Variants in PLCB1 observed in about 807,000 individuals in gnomAD.
PLCB1 encodes the protein 1-phosphatidylinositol 4,5-bisphosphate phosphodiesterase beta-1.
A neutral mutation model predicts 161.8 loss-of-function variants in PLCB1; 46 were observed. That is an observed-to-expected ratio of 0.28 (90% CI 0.22 to 0.36). The LOEUF is 0.36. PLCB1 is among the 10% of genes least tolerant of loss of function. PLCB1 has a pLI of 1.00. For synonymous variants in PLCB1, 517 were observed against 503.7 expected (o/e 1.03, Z -0.35); for missense variants, 1,016 against 1,472.5 (o/e 0.69, Z 5.07).
chr20:8,851,064 G>A (rs6118353), intron 31 of PLCB1, among the ~76,000 whole-genome samples: 5,716 of 152,256 alleles, frequency 0.038, 366 homozygotes, highest in African/African-American at 0.13. Context: ...TTAAAAATAA[G>A]GAGATATCCT....
intron 31 of PLCB1, among the ~76,000 whole-genome samples, chr20:8,791,129 A>G (rs986917386): frequency 6.6e-6 from 1 of 152,028 alleles, no homozygotes; most frequent in African/African-American, 2.4e-5. Context: ...ATATATTTTC[A>G]TGGTTCTTTG....
intron 3 of PLCB1, among the ~76,000 whole-genome samples, chr20:8,570,745 A>C (rs1341831317): frequency 2.0e-5 from 3 of 152,222 alleles, no homozygotes; most frequent in East Asian, 3.8e-4. Flanking sequence ...AAATGAGTTC[A>C]TGATCAGGAA....
chr20:8,353,957 A>G (rs776436608), intron 2 of PLCB1, among the ~76,000 whole-genome samples: 1 of 152,032 alleles, frequency 6.6e-6, no homozygotes, highest in African/African-American at 2.4e-5. Flanking sequence ...TGTGACATAC[A>G]TGGAAATTCT....
At chr20:8,273,641 T>C (rs1367955904) in intron 2 of PLCB1, among the ~76,000 whole-genome samples, 1 of 152,196 alleles carries the variant, frequency 6.6e-6, no homozygotes, top group Non-Finnish European at 1.5e-5. Flanking sequence ...TGTGTTCCCT[T>C]AGATTTGAAT....
chr20:8,212,380 A>T lies in PLCB1; in HGVS notation c.177+62009A>T, dbSNP rs151082527. On this transcript the variant is annotated intron_variant, in intron 2 of 31. Transcript: ENST00000338037. ...CAGAATTACTATCTAACCATTTTGTATGCATTTTATTCTAAATACAATTGA... is the reference window on the plus strand; with the variant it reads ...CAGAATTACTATCTAACCATTTTGTTTGCATTTTATTCTAAATACAATTGA... 9.5e-3 allele frequency among the ~76,000 whole-genome samples: 1,449 copies of T among 152,252 alleles called. 24 individuals are homozygous for T. Among genetic ancestry groups the T allele is most frequent in the African/African-American group, 0.03 (1,232 of 41,566 alleles).
Position 8,771,844 on chromosome 20 carries a change from T to C in PLCB1, c.2931-2695T>C, listed in dbSNP as rs572982170. On this transcript the variant is annotated intron_variant, in intron 26 of 31. Transcript: ENST00000338037. ...CTCAGATAAATGAATGGATGGGCAT[T>C]ATGTACATTGAATTTGTTTCCTTCC... Among the ~76,000 whole-genome samples the C allele has an allele frequency of 1.9e-4, 17 of 87,800 alleles. 1 individual carries two copies. The South Asian group carries it at 6.3e-3, about 32-fold the overall frequency. The allele number at this position is 87,800 out of a possible 152,430, so 57.6% of individuals were successfully genotyped here.
intron 9 of PLCB1, among the ~76,000 whole-genome samples, chr20:8,666,471 C>T (rs965729217): frequency 5.9e-5 from 9 of 152,202 alleles, no homozygotes; most frequent in Non-Finnish European, 7.3e-5. Context: ...CAACCTATCA[C>T]GTTATTGTCT....
At chr20:8,744,270 T>C (rs1015554732) in intron 23 of PLCB1, among the ~76,000 whole-genome samples, 1 of 152,232 alleles carries the variant, frequency 6.6e-6, no homozygotes, top group African/African-American at 2.4e-5. Flanking sequence ...AAATTACATG[T>C]ATTTTCAGTA....
At position 8,475,914 on chromosome 20, in the gene PLCB1, A is replaced by G. The variant is rs1982258131; in HGVS notation, c.246+104464A>G. ...TGCTTCTCTACAACTCTACAAAGAC[A>G]GTATCTAACACACTGTCATACACCA... On this transcript the variant is annotated intron_variant, in intron 3 of 31. Coordinates refer to ENST00000338037, the MANE Select transcript of PLCB1 (RefSeq NM_015192.4). 2.0e-5 allele frequency among the ~76,000 whole-genome samples: 3 copies of G among 152,220 alleles called. No homozygotes were observed. In the South Asian group the frequency reaches 6.2e-4, roughly 32 times the overall value.
intron 25 of PLCB1, among the ~76,000 whole-genome samples, chr20:8,763,575 A>G (rs930919645): frequency 6.6e-6 from 1 of 151,974 alleles, no homozygotes; most frequent in Admixed American, 6.6e-5. Flanking sequence ...TAGTAGAGAC[A>G]GGAGTTTTGC....
chr20:8,162,293 A>G (rs1228663729), intron 2 of PLCB1, among the ~76,000 whole-genome samples: 1 of 152,206 alleles, frequency 6.6e-6, no homozygotes, highest in African/African-American at 2.4e-5. Flanking sequence ...TAATTAAATT[A>G]GCTGCACCCT....
chr20:8,644,725 T>TGGGGGGGGTCAGCCCCCCTGCCCG (rs2123280241), intron 4 of PLCB1, among the ~76,000 whole-genome samples: 1 of 149,580 alleles, frequency 6.7e-6, no homozygotes, highest in East Asian at 2.1e-4. Flanking sequence ...CCCCCCGCCC[T>TGGGGGGGGTCAGCCCCCCTGCCCG]GCCAGCCGCC....
At chr20:8,436,169 T>C (rs1414293241) in intron 3 of PLCB1, among the ~76,000 whole-genome samples, 1 of 152,012 alleles carries the variant, frequency 6.6e-6, no homozygotes, top group Non-Finnish European at 1.5e-5. Flanking sequence ...AACCTGTCTC[T>C]ACTAAAAACA....
At chr20:8,361,349 C>T (rs1187076898) in intron 2 of PLCB1, among the ~76,000 whole-genome samples, 1 of 151,946 alleles carries the variant, frequency 6.6e-6, no homozygotes, top group Non-Finnish European at 1.5e-5. Flanking sequence ...GTCAGAATGC[C>T]CTACCCGTTC....
At chr20:8,268,456 A>G (rs1568611652) in intron 2 of PLCB1, among the ~76,000 whole-genome samples, 2 of 152,154 alleles carry the variant, frequency 1.3e-5, no homozygotes, top group African/African-American at 2.4e-5. Flanking sequence ...TAGCAGCATG[A>G]TTTGTAATCT....
chr20:8,472,650 C>G (rs1982104862), intron 3 of PLCB1, among the ~76,000 whole-genome samples: 1 of 151,724 alleles, frequency 6.6e-6, no homozygotes, highest in African/African-American at 2.4e-5. Flanking sequence ...TCAAGGCCAA[C>G]CTGGGCAACA....
intron 3 of PLCB1, among the ~76,000 whole-genome samples, chr20:8,499,860 C>T (rs953811825): frequency 1.3e-4 from 20 of 152,142 alleles, no homozygotes; most frequent in African/African-American, 4.1e-4. Flanking sequence ...GCATTGTTTT[C>T]GGTGCAGGGA....
chr20:8,834,446 G>A (rs1266646348), intron 31 of PLCB1, among the ~76,000 whole-genome samples: 2 of 151,842 alleles, frequency 1.3e-5, no homozygotes, highest in Non-Finnish European at 2.9e-5. Context: ...TTATTGCAAG[G>A]GAATTGGTTC....
At chr20:8,648,988 A>T (rs1217636337) in intron 6 of PLCB1, among the ~76,000 whole-genome samples, 2 of 149,530 alleles carry the variant, frequency 1.3e-5, no homozygotes, top group Non-Finnish European at 3.0e-5. Flanking sequence ...AAATTAATTT[A>T]AAAGTAAACA....
Sources: allele counts gnomAD v4.1 joint callset (sites outside exome capture counted in the v4.1 genomes callset), GRCh38; gene constraint gnomAD v4.1.1; transcripts MANE v1.5; gene names NCBI Gene and HGNC (gene_info 2026-07-23, HGNC 2026-07-21).